The following PGPEP1L variants were observed in gnomAD, a reference collection of about 807,000 sequenced individuals.
PGPEP1L encodes pyroglutamyl-peptidase I like, also known as pyroglutamyl-peptidase 1-like protein.
In PGPEP1L, 7 loss-of-function variants were observed where a neutral mutation model predicts 6.0. The ratio of observed to expected loss-of-function variants is 1.17; its 90% CI spans 0.66 to 2.19. PGPEP1L has a LOEUF of 2.19. Among genes scored for constraint, PGPEP1L ranks in the 30% most tolerant of loss-of-function variants. PGPEP1L has a pLI of 0.00. For synonymous variants in PGPEP1L, 103 were observed against 83.9 expected, an observed-to-expected ratio of 1.23 and a Z score of -1.24; for missense variants, 209 against 192.5, an observed-to-expected ratio of 1.09 and a Z score of -0.51.
At chr15:98,992,304 AACAG>A (rs2017830500) in intron 2 of PGPEP1L, among the ~76,000 whole-genome samples, 1 of 152,168 alleles carries the variant, frequency 6.6e-6, no homozygotes, top group Non-Finnish European at 1.5e-5. Flanking sequence ...ATACACCAAT[AACAG>A]ACAAACAGAG....
intron 2 of PGPEP1L, among the ~76,000 whole-genome samples, chr15:98,989,388 T>C (rs138783651): frequency 4.5e-4 from 68 of 152,196 alleles, no homozygotes; most frequent in African/African-American, 7.0e-4. Flanking sequence ...ATATCAAAGA[T>C]TGAAGATCAA....
intron 2 of PGPEP1L, among the ~76,000 whole-genome samples, chr15:98,982,853 G>C (rs1401692096): frequency 1.3e-5 from 2 of 151,876 alleles, no homozygotes; most frequent in Non-Finnish European, 2.9e-5. Flanking sequence ...TGGGATTATA[G>C]GCACCAGCCA....
chr15:98,971,418 T>C (rs2151754055), intron 2 of PGPEP1L, among the ~76,000 whole-genome samples: 1 of 152,048 alleles, frequency 6.6e-6, no homozygotes, highest in East Asian at 1.9e-4. Context: ...CACTTGAACC[T>C]GGGAGGTGGA....
chr15:98,988,033 T>C (rs1404405860), intron 2 of PGPEP1L, among the ~76,000 whole-genome samples: 2 of 152,184 alleles, frequency 1.3e-5, no homozygotes, highest in Non-Finnish European at 2.9e-5. Context: ...ACCAGGGCCC[T>C]GGGTTTCAAG....
At chr15:99,000,449 T>A (rs1031007816) in intron 2 of PGPEP1L, among the ~76,000 whole-genome samples, 1 of 152,202 alleles carries the variant, frequency 6.6e-6, no homozygotes, top group Admixed American at 6.5e-5. Flanking sequence ...ATCCACAGGG[T>A]AAAGCCAGCT....
intron 2 of PGPEP1L, among the ~76,000 whole-genome samples, chr15:98,986,792 G>A (rs1315717448): frequency 6.6e-6 from 1 of 152,124 alleles, no homozygotes; most frequent in Non-Finnish European, 1.5e-5. Context: ...ACCCAGTTGG[G>A]GTGGAAATGG....
At chr15:98,996,675 G>T (rs2017893613) in intron 2 of PGPEP1L, among the ~76,000 whole-genome samples, 1 of 152,072 alleles carries the variant, frequency 6.6e-6, no homozygotes, top group Admixed American at 6.6e-5. Flanking sequence ...ACGTGTGTAT[G>T]CCTGTGTATC....
chr15:99,000,506 G>A (rs1417850838), intron 2 of PGPEP1L, among the ~76,000 whole-genome samples: 3 of 152,216 alleles, frequency 2.0e-5, no homozygotes, highest in Non-Finnish European at 2.9e-5. Context: ...TTCTAGCTAA[G>A]GGATTGTAAA....
intron 2 of PGPEP1L, among the ~76,000 whole-genome samples, chr15:98,981,218 C>A (rs1490965067): frequency 6.6e-6 from 1 of 151,888 alleles, no homozygotes; most frequent in Non-Finnish European, 1.5e-5. Context: ...TCTGGCCGGG[C>A]GCGGTGGCTC....
At chr15:98,995,411 A>G (rs1179080290) in intron 2 of PGPEP1L, among the ~76,000 whole-genome samples, 1 of 152,176 alleles carries the variant, frequency 6.6e-6, no homozygotes, top group Non-Finnish European at 1.5e-5. Flanking sequence ...AAAGCCTACA[A>G]TTCAGGCCGG....
At position 98,982,357 on chromosome 15, in the gene PGPEP1L, T is replaced by G. The variant is rs548206335; in HGVS notation, c.-141-11199A>C. On this transcript the variant is annotated intron_variant, in intron 2 of 4. Transcript: ENST00000535714. ...GTCCCCATATTCTTGTGGATTCTTG[T>G]GGATTCTTGTGTCATTTCGAAGTGA... Among the ~76,000 whole-genome samples, 64 of 152,334 alleles carry G rather than the reference T, an allele frequency of 4.2e-4. 1 individual carries two copies. The Middle Eastern group carries it at 0.017, about 40-fold the overall frequency.
intron 2 of PGPEP1L, among the ~76,000 whole-genome samples, chr15:98,993,033 G>A (rs1304365049): frequency 6.6e-6 from 1 of 152,140 alleles, no homozygotes; most frequent in African/African-American, 2.4e-5. Flanking sequence ...TACCATTCAG[G>A]ACATAGGCAT....
chr15:98,994,385 G>A (rs2017859783), intron 2 of PGPEP1L, among the ~76,000 whole-genome samples: 1 of 152,114 alleles, frequency 6.6e-6, no homozygotes, highest in Non-Finnish European at 1.5e-5. Flanking sequence ...CCGGCGTGGT[G>A]GCTCACACCT....
intron 2 of PGPEP1L, among the ~76,000 whole-genome samples, chr15:98,975,189 A>C (rs1260114281): frequency 6.6e-6 from 1 of 152,222 alleles, no homozygotes; most frequent in African/African-American, 2.4e-5. Context: ...ATAGAACTGG[A>C]GGTCATTATG....
intron 2 of PGPEP1L, among the ~76,000 whole-genome samples, chr15:99,000,525 T>G (rs1292278731): frequency 1.3e-5 from 2 of 152,156 alleles, no homozygotes; most frequent in African/African-American, 2.4e-5. Context: ...AATACACCAA[T>G]CGGCACTCTG....
intron 2 of PGPEP1L, among the ~76,000 whole-genome samples, chr15:98,974,093 G>A (rs2017534891): frequency 6.6e-6 from 1 of 152,158 alleles, no homozygotes; most frequent in Admixed American, 6.5e-5. Flanking sequence ...AAATATAGAA[G>A]AAATAGGCTG....
At chr15:99,007,038 T>A (rs1362824126) in intron 1 of PGPEP1L, among the ~76,000 whole-genome samples, 1 of 152,138 alleles carries the variant, frequency 6.6e-6, no homozygotes, top group Non-Finnish European at 1.5e-5. Context: ...TCCCTTTTAA[T>A]TGGGATCACC....
At position 98,998,974 on chromosome 15, in the gene PGPEP1L, G is replaced by T. The variant is rs534538642; in HGVS notation, c.-142+6455C>A. On this transcript the variant is annotated intron_variant, in intron 2 of 4. Coordinates refer to ENST00000535714, the MANE Select transcript of PGPEP1L (RefSeq NM_001167902.2). The stretch of plus-strand genomic sequence containing the variant: ...TGGGCGAAAGAGCAAAACTGTTTCA[G>T]AAAAACAAACAAAAAACTAAGTTTT... Among the ~76,000 whole-genome samples, 77 of 148,830 alleles carry T rather than the reference G, an allele frequency of 5.2e-4. 1 individual carries two copies. In the South Asian group the frequency reaches 0.016, roughly 30 times the overall value.
intron 2 of PGPEP1L, among the ~76,000 whole-genome samples, chr15:98,988,075 C>A (rs2312493): frequency 0.65 from 98,907 of 152,056 alleles, 33,758 homozygotes; most frequent in Non-Finnish European, 0.77. Flanking sequence ...GGGCAGACAC[C>A]GAGCTAGCTG....
Sources: allele counts gnomAD v4.1 joint callset (sites outside exome capture counted in the v4.1 genomes callset), GRCh38; gene constraint gnomAD v4.1.1; transcripts MANE v1.5; gene names NCBI Gene and HGNC (gene_info 2026-07-23, HGNC 2026-07-21).